Variants in KCNK13 observed in about 807,000 individuals in gnomAD.
The protein encoded by KCNK13 is potassium two pore domain channel subfamily K member 13, also known as potassium channel subfamily K member 13.
In KCNK13, 12 loss-of-function variants were observed where a neutral mutation model predicts 23.4. The ratio of observed to expected loss-of-function variants is 0.51; its 90% CI spans 0.33 to 0.83. The LOEUF (loss-of-function observed/expected upper bound fraction) is 0.83, where lower values mean the gene tolerates loss of function less well. Among genes scored for constraint, KCNK13 ranks in the 40% least tolerant of loss-of-function variants. The pLI is 0.02. For missense variants in KCNK13, 463 were observed against 556.3 expected, an observed-to-expected ratio of 0.83 and a Z score of 1.69; for synonymous variants, 231 against 229.5, an observed-to-expected ratio of 1.01 and a Z score of -0.06.
intron 1 of KCNK13, among the ~76,000 whole-genome samples, chr14:90,142,687 C>T (rs1172466640): frequency 6.6e-6 from 1 of 152,158 alleles, no homozygotes; most frequent in African/African-American, 2.4e-5. Context: ...TGCCTTGGCA[C>T]TGTAAGGGAG....
intron 1 of KCNK13, among the ~76,000 whole-genome samples, chr14:90,078,721 G>T (rs1248835206): frequency 6.6e-6 from 1 of 152,114 alleles, no homozygotes; most frequent in Non-Finnish European, 1.5e-5. Flanking sequence ...GGTGAAGACC[G>T]AGCTCCCGGA....
rs142825056 is a variant in KCNK13, at chr14:90,110,462, G to A, written c.334+47923G>A. Reference sequence around the variant, plus strand: ...GCCACAGCACTCCAGCCTGGGCGACGGAGTGAGTCTTCGTCTCAAAAAAGA... The same window carrying A: ...GCCACAGCACTCCAGCCTGGGCGACAGAGTGAGTCTTCGTCTCAAAAAAGA... On this transcript the variant is annotated intron_variant, in intron 1 of 1. Transcript: ENST00000282146. 5.1e-3 allele frequency among the ~76,000 whole-genome samples: 760 copies of A among 148,058 alleles called. 10 individuals are homozygous for A. Among genetic ancestry groups the A allele is most frequent in the African/African-American group, 0.019 (746 of 40,074 alleles).
intron 1 of KCNK13, among the ~76,000 whole-genome samples, chr14:90,094,081 G>C (rs533701967): frequency 6.6e-6 from 1 of 152,226 alleles, no homozygotes; most frequent in East Asian, 1.9e-4. Flanking sequence ...CGTGCTGTCT[G>C]CATGGAACCA....
At chr14:90,074,868 C>T (rs1281748582) in intron 1 of KCNK13, among the ~76,000 whole-genome samples, 1 of 152,076 alleles carries the variant, frequency 6.6e-6, no homozygotes, top group Non-Finnish European at 1.5e-5. Flanking sequence ...ATCGTATTGC[C>T]TTTATTTACC....
chr14:90,129,989 C>A (rs1889848114), intron 1 of KCNK13, among the ~76,000 whole-genome samples: 1 of 152,074 alleles, frequency 6.6e-6, no homozygotes, highest in Non-Finnish European at 1.5e-5. Flanking sequence ...GAGATGGTTC[C>A]TAACATGTTA....
chr14:90,095,349 T>C lies in KCNK13; in HGVS notation c.334+32810T>C, dbSNP rs202066927. 4.0e-4 allele frequency among the ~76,000 whole-genome samples: 61 copies of C among 152,360 alleles called. No individual in the cohort carries two copies. In the East Asian group the frequency reaches 9.6e-3, roughly 24 times the overall value. The stretch of plus-strand genomic sequence containing the variant: ...TGTATAACTGCCGTGAAGACTTGAC[T>C]GGGCTTTTGATTCAGTAGCTCTGAG... On this transcript the variant is annotated intron_variant, in intron 1 of 1. Coordinates refer to ENST00000282146, the MANE Select transcript of KCNK13 (RefSeq NM_022054.4).
At chr14:90,153,315 G>T (rs1331129829) in intron 1 of KCNK13, among the ~76,000 whole-genome samples, 1 of 152,110 alleles carries the variant, frequency 6.6e-6, no homozygotes. Context: ...TCTCATACTG[G>T]CTCTGCTTCT....
chr14:90,081,495 A>G (rs1396023404), intron 1 of KCNK13, among the ~76,000 whole-genome samples: 1 of 152,156 alleles, frequency 6.6e-6, no homozygotes, highest in Non-Finnish European at 1.5e-5. Context: ...GAGGTCCTTC[A>G]CACATATATG....
rs575024445 is a variant in KCNK13 at position 90,123,457 on chromosome 14, G to C, written c.335-60654G>C. On this transcript the variant is annotated intron_variant, in intron 1 of 1. Transcript: ENST00000282146. ...GATTAGGGCCCACACTAAGGATCTT[G>C]TTTTCATTTAAGTACCTCCTTAAAG... Among the ~76,000 whole-genome samples, 4 of 152,228 alleles carry C rather than the reference G, an allele frequency of 2.6e-5. No homozygotes were observed. In the East Asian group the frequency reaches 5.8e-4, roughly 22 times the overall value.
In KCNK13 at chr14:90,062,287, G is replaced by A. The variant is rs1051052235; in HGVS notation, c.82G>A (p.Val28Met). 6.0e-5 allele frequency: 94 copies of A among 1,564,168 alleles called. No individual in the cohort carries two copies. The highest frequency in any genetic ancestry group is 7.6e-5 in the Non-Finnish European group (88 of 1,164,016). ...CTTTCTGCTGCTGGCCGCGCTCATCGTGCTCTACCTGCTGGGCGGCGCCGC... is the reference window on the plus strand; with the variant it reads ...CTTTCTGCTGCTGGCCGCGCTCATCATGCTCTACCTGCTGGGCGGCGCCGC... ...ARFLLLAALI[V>M]LYLLGGAAVF... Residue 28 changes from valine (V) to methionine (M), a missense_variant, in exon 1 of 2, where the codon GTG becomes ATG. Physicochemically the swap from Val to Met is conservative, Grantham distance 21. This residue lies in a region of KCNK13 where 153 missense variants were observed against 153.6 expected (regional missense o/e 1.00). Coordinates refer to ENST00000282146, the MANE Select transcript of KCNK13 (RefSeq NM_022054.4). The surrounding 1 kb of genome is among the most constrained non-coding windows in gnomAD (Gnocchi z 4.5).
intron 1 of KCNK13, among the ~76,000 whole-genome samples, chr14:90,097,033 C>T (rs946562210): frequency 7.2e-5 from 11 of 152,094 alleles, no homozygotes; most frequent in African/African-American, 1.7e-4. Flanking sequence ...GGCTGCCACA[C>T]GAAGTACTCA....
chr14:90,169,775 T>C (rs930768700), intron 1 of KCNK13, among the ~76,000 whole-genome samples: 2 of 152,162 alleles, frequency 1.3e-5, no homozygotes, highest in African/African-American at 2.4e-5. Flanking sequence ...TAAGTTTCTT[T>C]AAGGGACTCT....
At position 90,068,008 on chromosome 14, in the gene KCNK13, C is replaced by T. The variant is rs569122868; in HGVS notation, c.334+5469C>T. ...TCACTGTGGGTGCTGGTGATGCTGC[C>T]GGGCGGTTGTCTCTGTGTTGCCCCA... On this transcript the variant is annotated intron_variant, in intron 1 of 1. Coordinates refer to ENST00000282146, the MANE Select transcript of KCNK13 (RefSeq NM_022054.4). 6.2e-4 allele frequency among the ~76,000 whole-genome samples: 94 copies of T among 152,194 alleles called. 1 individual carries two copies. The highest frequency in any genetic ancestry group is 2.2e-3 in the African/African-American group (93 of 41,540).
intron 1 of KCNK13, among the ~76,000 whole-genome samples, chr14:90,081,153 G>A (rs967579117): frequency 6.6e-6 from 1 of 152,234 alleles, no homozygotes; most frequent in African/African-American, 2.4e-5. Context: ...AAAATATGTG[G>A]TGATTTCCAT....
intron 1 of KCNK13, among the ~76,000 whole-genome samples, chr14:90,141,711 G>A (rs56660678): frequency 0.065 from 9,658 of 149,408 alleles, 405 homozygotes; most frequent in South Asian, 0.21. Flanking sequence ...GCTGGGCTCG[G>A]CCTCCCAAAG....
In KCNK13 at chr14:90,080,241, G is replaced by A. The variant is rs1306765928; in HGVS notation, c.334+17702G>A. On this transcript the variant is annotated intron_variant, in intron 1 of 1. Coordinates refer to ENST00000282146, the MANE Select transcript of KCNK13 (RefSeq NM_022054.4). ...GGCTGAGGCGGGCGCATCACCTGAG[G>A]TCAGGAGTTCGAGACCAGCCTGGCC... Among the ~76,000 whole-genome samples the A allele has an allele frequency of 2.6e-5, 4 of 152,096 alleles. No homozygotes were observed. The South Asian group carries it at 6.2e-4, about 24-fold the overall frequency.
rs559837713 is a variant in KCNK13, at chr14:90,166,881, A to G, written c.335-17230A>G. Among the ~76,000 whole-genome samples, 3 of 152,208 alleles carry G rather than the reference A, an allele frequency of 2.0e-5. 1 individual carries two copies. In the South Asian group the frequency reaches 6.2e-4, roughly 32 times the overall value. ...TGCACACACACACCCAAATCACAGA[A>G]TATTGACATTGGAAGGTCCTTAGAC... On this transcript the variant is annotated intron_variant, in intron 1 of 1. Coordinates refer to ENST00000282146, the MANE Select transcript of KCNK13 (RefSeq NM_022054.4).
intron 1 of KCNK13, among the ~76,000 whole-genome samples, chr14:90,129,380 G>A (rs1441275172): frequency 6.6e-6 from 1 of 152,154 alleles, no homozygotes. Context: ...GTTCACAAGT[G>A]TGAGGTGGCA....
chr14:90,131,514 G>C (rs1029166365), intron 1 of KCNK13, among the ~76,000 whole-genome samples: 1 of 152,132 alleles, frequency 6.6e-6, no homozygotes, highest in Non-Finnish European at 1.5e-5. Context: ...ACAGGTGTGA[G>C]CCACCATGCC....
Sources: allele counts gnomAD v4.1 joint callset (sites outside exome capture counted in the v4.1 genomes callset), GRCh38; gene constraint gnomAD v4.1.1; regional missense constraint gnomAD v4.1.1; non-coding constraint Gnocchi (gnomAD v3.1); transcripts MANE v1.5; gene names NCBI Gene and HGNC (gene_info 2026-07-23, HGNC 2026-07-21).